KDELR2: variants seen among roughly 807,000 people sequenced by gnomAD.
The protein encoded by KDELR2 is ER lumen protein-retaining receptor 2.
In KDELR2, 15 loss-of-function variants were observed where a neutral mutation model predicts 23.9. That is an observed-to-expected ratio of 0.63 (90% CI 0.42 to 0.97). The LOEUF (loss-of-function observed/expected upper bound fraction) is 0.97. Among genes scored for constraint, KDELR2 ranks in the 50% least tolerant of loss-of-function variants. The probability of loss-of-function intolerance (pLI) is 0.00; values close to 1 mark genes in which losing one functional copy is unlikely to be tolerated. For missense variants in KDELR2, 272 were observed against 254.6 expected, an observed-to-expected ratio of 1.07 and a Z score of -0.46; for synonymous variants, 119 against 106.2, an observed-to-expected ratio of 1.12 and a Z score of -0.74.
intron 1 of KDELR2, among the ~76,000 whole-genome samples, chr7:6,483,596 C>T (rs1461085107): frequency 6.6e-6 from 1 of 152,234 alleles, no homozygotes; most frequent in African/African-American, 2.4e-5. Flanking sequence ...CCCCGGGACC[C>T]CCACGGGAGA....
intron 2 of KDELR2, among the ~76,000 whole-genome samples, chr7:6,472,859 A>C (rs1054305168): frequency 3.3e-5 from 5 of 151,678 alleles, no homozygotes; most frequent in African/African-American, 1.2e-4. Context: ...AGAAAGAAAG[A>C]AATCAGACTC....
intron 1 of KDELR2, among the ~76,000 whole-genome samples, chr7:6,481,070 T>C (rs1243188036): frequency 1.3e-5 from 2 of 151,886 alleles, no homozygotes; most frequent in African/African-American, 4.8e-5. Flanking sequence ...ATGAAAACAG[T>C]GAATAGTAAA....
At chr7:6,480,221 T>C (rs1022552076) in intron 1 of KDELR2, among the ~76,000 whole-genome samples, 1 of 152,176 alleles carries the variant, frequency 6.6e-6, no homozygotes, top group African/African-American at 2.4e-5. Context: ...ACACTACTAA[T>C]AGACACAGCA....
chr7:6,473,255 T>C (rs1203083796), intron 2 of KDELR2, among the ~76,000 whole-genome samples: 1 of 151,980 alleles, frequency 6.6e-6, no homozygotes, highest in African/African-American at 2.4e-5. Context: ...TCGCAACTCT[T>C]ATACTTTTCC....
At chr7:6,469,544 G>C (rs1057096264) in intron 3 of KDELR2, 52 bp downstream of exon 3, 10 of 1,568,784 alleles carry the variant, frequency 6.4e-6, no homozygotes, top group Non-Finnish European at 8.7e-6. Context: ...AAAATGCTGG[G>C]ATTACAGGCA....
intron 2 of KDELR2, among the ~76,000 whole-genome samples, chr7:6,470,700 T>A (rs1433701598): frequency 6.6e-6 from 1 of 152,194 alleles, no homozygotes; most frequent in Non-Finnish European, 1.5e-5. Flanking sequence ...CTCCTTATAA[T>A]TTTTGTTTGT....
chr7:6,465,955 A>G, intron 4 of KDELR2, 116 bp downstream of exon 4: 2 of 1,056,742 alleles, frequency 1.9e-6, no homozygotes, highest in South Asian at 1.6e-5. Flanking sequence ...GCCAATCATG[A>G]AAGTGTTTCT....
At chr7:6,466,925 A>G (rs1179867517) in intron 3 of KDELR2, among the ~76,000 whole-genome samples, 2 of 152,186 alleles carry the variant, frequency 1.3e-5, no homozygotes, top group Non-Finnish European at 2.9e-5. Flanking sequence ...CCCACGGCTC[A>G]TCTCCTCCTG....
At chr7:6,482,569 T>C in intron 1 of KDELR2, 1 of 470,928 alleles carries the variant, frequency 2.1e-6, no homozygotes, top group Non-Finnish European at 4.4e-6. Flanking sequence ...CTCAGTTATG[T>C]TCCAAGGAGA....
chr7:6,471,348 A>T (rs1345055194), intron 2 of KDELR2, among the ~76,000 whole-genome samples: 1 of 151,370 alleles, frequency 6.6e-6, no homozygotes, highest in African/African-American at 2.4e-5. Context: ...TGCCCAGCTA[A>T]TTTTTATATT....
intron 1 of KDELR2, among the ~76,000 whole-genome samples, chr7:6,476,061 T>C (rs1248318228): frequency 6.6e-6 from 1 of 152,092 alleles, no homozygotes; most frequent in Non-Finnish European, 1.5e-5. Context: ...TACAGGTGGG[T>C]GCACCACCAC....
chr7:6,463,268 C>T, intron 4 of KDELR2, 93 bp from the exon 5 acceptor site: 1 of 910,302 alleles, frequency 1.1e-6, no homozygotes, highest in Non-Finnish European at 1.7e-6. Flanking sequence ...CTCCCACACA[C>T]AAGATTCTAC....
At chr7:6,469,240 C>CCA in intron 3 of KDELR2, among the ~76,000 whole-genome samples, 3 of 152,110 alleles carry the variant, frequency 2.0e-5, no homozygotes, top group Non-Finnish European at 4.4e-5. Flanking sequence ...GCGTGAGCCA[C>CCA]TACGCCCAGC....
Position 6,469,725 on chromosome 7 carries a change from T to C in KDELR2, c.222A>G (p.Thr74=). The C allele has an allele frequency of 6.2e-7, 1 of 1,614,096 alleles. No individual in the cohort carries two copies. Among genetic ancestry groups the C allele is most frequent in the Non-Finnish European group, 8.5e-7 (1 of 1,179,970 alleles). The stretch of plus-strand genomic sequence containing the variant: ...TAAATTTCAGGTAGATCAGGTACAC[T>C]GTGGCATAGGAGCAGGCAAGGTAGA... ...KVIYLACSYA[T]VYLIYLKFKA... is the part of the protein sequence containing the mutation. The change falls in exon 3 of 5, where the codon ACA becomes ACG. Residue 74 remains threonine (T), a synonymous_variant. Transcript: ENST00000258739.
At position 6,462,789 on chromosome 7, in the gene KDELR2, A is replaced by G; in HGVS notation, c.*352T>C. ...ATTTCATTGCAGACACAAAGACTTA[A>G]GAGTTTCAAAGAATTTTTTAAAATA... is the stretch of plus-strand genomic sequence containing the variant. On this transcript the variant is annotated 3_prime_UTR_variant, in exon 5 of 5. Transcript: ENST00000258739. 1.9e-6 allele frequency: 1 copy of G among 530,442 alleles called. No homozygotes were observed. Among genetic ancestry groups the G allele is most frequent in the East Asian group, 3.1e-5 (1 of 32,164 alleles). The allele number at this position is 530,442 out of a possible 1,614,324, so 32.9% of individuals were successfully genotyped here. A position where few individuals can be genotyped will look rare whatever the true frequency, so the allele number is the denominator to read the frequency against.
intron 1 of KDELR2, among the ~76,000 whole-genome samples, chr7:6,478,731 T>A (rs1407535354): frequency 6.6e-6 from 1 of 152,216 alleles, no homozygotes; most frequent in Non-Finnish European, 1.5e-5. Flanking sequence ...AGGACCGTAG[T>A]ATGAACATAC....
At chr7:6,463,415 G>A (rs192668845) in intron 4 of KDELR2, among the ~76,000 whole-genome samples, 91 of 152,166 alleles carry the variant, frequency 6.0e-4, no homozygotes, top group African/African-American at 2.1e-3. Context: ...CTTATGTAGG[G>A]AGGCCTATGA....
intron 3 of KDELR2, 24 bp downstream of exon 3, chr7:6,469,572 C>T: frequency 1.2e-6 from 2 of 1,608,344 alleles, no homozygotes; most frequent in Non-Finnish European, 8.5e-7. Flanking sequence ...CCATGCCTGG[C>T]CCTAAGTAAC....
intron 3 of KDELR2, 72 bp from the exon 4 acceptor site, chr7:6,466,395 T>C: frequency 6.4e-7 from 1 of 1,565,082 alleles, no homozygotes; most frequent in Non-Finnish European, 8.7e-7. Context: ...ACTCTTGCTT[T>C]CTTTACCACA....
Sources: allele counts gnomAD v4.1 joint callset (sites outside exome capture counted in the v4.1 genomes callset), GRCh38; gene constraint gnomAD v4.1.1; transcripts MANE v1.5; gene names NCBI Gene and HGNC (gene_info 2026-07-23, HGNC 2026-07-21).